Variants in RASL10B observed in about 807,000 individuals in gnomAD.
RASL10B encodes RAS like family 10 member B.
A neutral mutation model predicts 20.7 loss-of-function variants in RASL10B; 10 were observed. The ratio of observed to expected loss-of-function variants is 0.48; its 90% confidence interval spans 0.30 to 0.82. The LOEUF (loss-of-function observed/expected upper bound fraction) is 0.82, where lower values mean the gene tolerates loss of function less well. Ranked by LOEUF, RASL10B falls within the 40% of genes least tolerant of loss-of-function variation. RASL10B has a pLI of 0.07. For synonymous variants in RASL10B, 110 were observed against 123.3 expected (o/e 0.89, Z 0.72); for missense variants, 231 against 295.4 (o/e 0.78, Z 1.60).
At position 35,737,677 on chromosome 17, in the gene RASL10B, G is replaced by C. The variant is rs370836093; in HGVS notation, c.216+2277G>C. On this transcript the variant is annotated intron_variant, in intron 2 of 3. Transcript: ENST00000603017. ...AACACTTTGAGAGGCTGAGGCAGGC[G>C]GATCACTTGAGCTCAGGAGTTCGAG... is the stretch of plus-strand genomic sequence containing the variant. Among the ~76,000 whole-genome samples the C allele has an allele frequency of 4.0e-5, 6 of 151,842 alleles. No homozygotes were observed. The South Asian group carries it at 1.3e-3, about 32-fold the overall frequency.
In RASL10B at chr17:35,735,469, C is replaced by A; in HGVS notation, c.216+69C>A. 6.6e-7 allele frequency: 1 copy of A among 1,509,978 alleles called. No individual in the cohort carries two copies. 93.5% of individuals were successfully genotyped at this position (1,509,978 alleles called of 1,614,324 possible). ...GGTAGGGGAGAGGCTGGATTCCAAA[C>A]TGCTGTAGCTTGGGCCCTATTGCCA... On this transcript the variant is annotated intron_variant, in intron 2 of 3. Transcript: ENST00000603017. The surrounding 1 kb of genome is among the most constrained non-coding windows in gnomAD (Gnocchi z 6.7).
rs1013973085 is a variant in RASL10B, at chr17:35,731,700, C to A, written c.-326C>A. ...AGCTGGGGCTGGAGGTTCCTACCCC[C>A]TCGGCGGCCCGCATCTGCCCCCGCG... is the stretch of plus-strand genomic sequence containing the variant. On this transcript the variant is annotated 5_prime_UTR_variant, in exon 1 of 4. Coordinates refer to ENST00000603017, the MANE Select transcript of RASL10B (RefSeq NM_033315.4). The A allele has an allele frequency of 6.6e-6, 1 of 151,994 alleles. No homozygotes were observed. Among genetic ancestry groups the A allele is most frequent in the East Asian group, 2.0e-4 (1 of 5,108 alleles). The allele number at this position is 151,994 out of a possible 1,614,324, so 9.4% of individuals were successfully genotyped here. A position where few individuals can be genotyped will look rare whatever the true frequency, so the allele number is the denominator to read the frequency against.
At chr17:35,739,605 C>G (rs2085615927) in intron 2 of RASL10B, among the ~76,000 whole-genome samples, 1 of 152,164 alleles carries the variant, frequency 6.6e-6, no homozygotes, top group Admixed American at 6.5e-5. Context: ...CTACATCAGC[C>G]CATTATGCAT....
intron 1 of RASL10B, among the ~76,000 whole-genome samples, chr17:35,732,207 C>T (rs2085562618): frequency 6.6e-6 from 1 of 152,216 alleles, no homozygotes; most frequent in Non-Finnish European, 1.5e-5. Context: ...TTGGAACAAA[C>T]AGCTGGCAGA....
At chr17:35,739,672 G>A (rs925460159) in intron 2 of RASL10B, among the ~76,000 whole-genome samples, 3 of 152,202 alleles carry the variant, frequency 2.0e-5, no homozygotes, top group Non-Finnish European at 2.9e-5. Context: ...GCATACAGAA[G>A]GGGCACATCA....
At position 35,735,465 on chromosome 17, in the gene RASL10B, C is replaced by A; in HGVS notation, c.216+65C>A. 6.5e-7 allele frequency: 1 copy of A among 1,530,146 alleles called. No individual in the cohort carries two copies. Among genetic ancestry groups the A allele is most frequent in the East Asian group, 2.3e-5 (1 of 43,410 alleles). 94.8% of individuals were successfully genotyped at this position (1,530,146 alleles called of 1,614,324 possible). ...GATGGGTAGGGGAGAGGCTGGATTC[C>A]AAACTGCTGTAGCTTGGGCCCTATT... On this transcript the variant is annotated intron_variant, in intron 2 of 3. Transcript: ENST00000603017. The surrounding 1 kb of genome is among the most constrained non-coding windows in gnomAD (Gnocchi z 6.7).
intron 1 of RASL10B, among the ~76,000 whole-genome samples, chr17:35,733,138 A>G (rs2085569487): frequency 6.6e-6 from 1 of 152,164 alleles, no homozygotes; most frequent in African/African-American, 2.4e-5. Flanking sequence ...TAAACCTTCA[A>G]TAAAATGAGA....
At position 35,735,314 on chromosome 17, in the gene RASL10B, C is replaced by G. The variant is rs1555597026; in HGVS notation, c.130C>G (p.Pro44Ala). 1 of 1,614,066 alleles carries G rather than the reference C, an allele frequency of 6.2e-7. No individual in the cohort carries two copies. Among genetic ancestry groups the G allele is most frequent in the Non-Finnish European group, 8.5e-7 (1 of 1,180,064 alleles). The change falls in exon 2 of 4, where the codon CCT (proline) becomes GCT (alanine). Residue 44 changes from proline (P) to alanine (A), a missense_variant. Transcript: ENST00000603017. The surrounding 1 kb of genome is among the most constrained non-coding windows in gnomAD (Gnocchi z 6.7). ...VPTTARRLYL[P>A]AVVMNGHVHD... ...CACCACCGCCCGCCGCCTTTACCTG[C>G]CTGCTGTCGTCATGAACGGCCACGT... is the stretch of plus-strand genomic sequence containing the variant.
chr17:35,739,961 C>A lies in RASL10B; in HGVS notation c.217-448C>A, dbSNP rs587714101. Among the ~76,000 whole-genome samples the A allele has an allele frequency of 1.3e-3, 191 of 152,204 alleles. 1 individual carries two copies. The highest frequency in any genetic ancestry group is 4.4e-3 in the African/African-American group (184 of 41,538). The stretch of plus-strand genomic sequence containing the variant: ...ACACAGGAGATGAAGGGAGTAGTCC[C>A]CTGCTTGCAGGAAGGATGGGAAATC... On this transcript the variant is annotated intron_variant, in intron 2 of 3. Transcript: ENST00000603017.
At chr17:35,740,653 C>T in intron 3 of RASL10B, 120 bp downstream of exon 3, 5 of 1,192,014 alleles carry the variant, frequency 4.2e-6, no homozygotes, top group Non-Finnish European at 5.9e-6. Flanking sequence ...AAGATTTCCA[C>T]ACATACACTC....
intron 1 of RASL10B, among the ~76,000 whole-genome samples, chr17:35,734,780 C>T (rs1424753538): frequency 2.6e-5 from 4 of 152,186 alleles, no homozygotes; most frequent in South Asian, 4.1e-4. Flanking sequence ...TCCCACTCTG[C>T]TCTGCAGCCT....
chr17:35,733,393 G>T (rs782146139), intron 1 of RASL10B, among the ~76,000 whole-genome samples: 5 of 152,216 alleles, frequency 3.3e-5, no homozygotes, highest in Admixed American at 1.3e-4. Context: ...CAGGTGAATG[G>T]CAGAGCTAGG....
chr17:35,739,831 A>G (rs1381212321), intron 2 of RASL10B, among the ~76,000 whole-genome samples: 2 of 152,238 alleles, frequency 1.3e-5, no homozygotes, highest in Admixed American at 6.5e-5. Flanking sequence ...GGGAGTATAT[A>G]CAAATGAGGA....
chr17:35,734,299 G>C (rs1160522194), intron 1 of RASL10B, among the ~76,000 whole-genome samples: 4 of 152,180 alleles, frequency 2.6e-5, no homozygotes, highest in Non-Finnish European at 5.9e-5. Flanking sequence ...ATCGTAGAAA[G>C]GAGTAGCTGC....
chr17:35,734,599 T>A (rs1273635798), intron 1 of RASL10B, among the ~76,000 whole-genome samples: 1 of 152,088 alleles, frequency 6.6e-6, no homozygotes, highest in Non-Finnish European at 1.5e-5. Flanking sequence ...TGTCCTGCAA[T>A]GTGTGGGCAG....
chr17:35,743,071 GCCCTCTGTGAGCCT>G lies in RASL10B; in HGVS notation c.*1774_*1787del, dbSNP rs2085640086. On this transcript the variant is annotated 3_prime_UTR_variant, in exon 4 of 4. Coordinates refer to ENST00000603017, the MANE Select transcript of RASL10B (RefSeq NM_033315.4). ...CTGCAGGACTTTGGGCAAGTGACCTGCCCTCTGTGAGCCTCCCTCTGACACAGAGGAGGTGGCTC... is the reference window on the plus strand; with the variant it reads ...CTGCAGGACTTTGGGCAAGTGACCTGCCCTCTGACACAGAGGAGGTGGCTC... 1 of 152,724 alleles carries G rather than the reference GCCCTCTGTGAGCCT, an allele frequency of 6.5e-6. No homozygotes were observed. The highest frequency in any genetic ancestry group is 1.5e-5 in the Non-Finnish European group (1 of 68,074). 9.5% of individuals were successfully genotyped at this position (152,724 alleles called of 1,614,324 possible). A position where few individuals can be genotyped will look rare whatever the true frequency, so the allele number is the denominator to read the frequency against.
Position 35,741,394 on chromosome 17 carries a change from T to C in RASL10B, c.*89T>C, listed in dbSNP as rs1369541544. On this transcript the variant is annotated 3_prime_UTR_variant, in exon 4 of 4. Transcript: ENST00000603017. ...GCTGGGGCGGGGAGCGGGCGGGAAA[T>C]GGAACTGTGACGGTCCCGGCCTGAG... The C allele has an allele frequency of 2.0e-5, 27 of 1,365,756 alleles. No homozygotes were observed. The African/African-American group carries it at 3.1e-4, about 16-fold the overall frequency. The allele number at this position is 1,365,756 out of a possible 1,614,324, so 84.6% of individuals were successfully genotyped here. A position where few individuals can be genotyped will look rare whatever the true frequency, so the allele number is the denominator to read the frequency against.
intron 1 of RASL10B, among the ~76,000 whole-genome samples, chr17:35,732,624 C>G (rs2085565126): frequency 6.6e-6 from 1 of 152,184 alleles, no homozygotes; most frequent in Non-Finnish European, 1.5e-5. Context: ...TCCTGCACCC[C>G]CTTCCTAGCT....
intron 2 of RASL10B, among the ~76,000 whole-genome samples, chr17:35,739,483 A>G (rs907100325): frequency 6.6e-6 from 1 of 152,090 alleles, no homozygotes; most frequent in Non-Finnish European, 1.5e-5. Context: ...TCTTTAGTGT[A>G]CTTGGCCTTT....
Sources: allele counts gnomAD v4.1 joint callset (sites outside exome capture counted in the v4.1 genomes callset), GRCh38; gene constraint gnomAD v4.1.1; non-coding constraint Gnocchi (gnomAD v3.1); transcripts MANE v1.5; gene names NCBI Gene and HGNC (gene_info 2026-07-23, HGNC 2026-07-21).